Variants in VWA3B observed in about 807,000 individuals in gnomAD.
VWA3B encodes von Willebrand factor A domain-containing protein 3B.
A neutral mutation model predicts 158.3 loss-of-function variants in VWA3B; 138 were observed. The ratio of observed to expected loss-of-function variants is 0.87; its 90% confidence interval spans 0.76 to 1.00. The LOEUF is 1.00. VWA3B is among the 50% of genes least tolerant of loss of function. VWA3B has a pLI of 0.00. For synonymous variants in VWA3B, 596 were observed against 587.3 expected (o/e 1.01, Z -0.21); for missense variants, 1,555 against 1,565.1 (o/e 0.99, Z 0.11).
At chr2:98,159,970 A>G (rs1191729467) in intron 7 of VWA3B, among the ~76,000 whole-genome samples, 1 of 151,444 alleles carries the variant, frequency 6.6e-6, no homozygotes, top group African/African-American at 2.4e-5. Context: ...AGATCGTGCT[A>G]CTGCACTCCA....
At chr2:98,279,601 G>A (rs142279936) in intron 22 of VWA3B, among the ~76,000 whole-genome samples, 50 of 152,340 alleles carry the variant, frequency 3.3e-4, no homozygotes, top group African/African-American at 1.1e-3. Context: ...AGAAGTGAAG[G>A]TCAGTCTAAG....
intron 25 of VWA3B, 100 bp from the exon 26 acceptor site, chr2:98,303,602 G>A: frequency 1.9e-6 from 2 of 1,066,342 alleles, no homozygotes. Context: ...ATAGGATAAT[G>A]ACTAGAAGCT....
intron 8 of VWA3B, among the ~76,000 whole-genome samples, chr2:98,165,748 G>A (rs1679013945): frequency 6.6e-6 from 1 of 152,054 alleles, no homozygotes; most frequent in South Asian, 2.1e-4. Context: ...GCATTGCCAG[G>A]GTTGGCTCCC....
At chr2:98,290,425 C>A in intron 22 of VWA3B, 86 bp from the exon 23 acceptor site, 1 of 1,026,040 alleles carries the variant, frequency 9.7e-7, no homozygotes, top group Non-Finnish European at 1.4e-6. Flanking sequence ...AGAGCCAAAC[C>A]ATATCACTAG....
chr2:98,271,432 A>T (rs769380364), intron 22 of VWA3B, among the ~76,000 whole-genome samples: 27 of 152,208 alleles, frequency 1.8e-4, no homozygotes, highest in Admixed American at 3.9e-4. Context: ...TATTGCTACC[A>T]CTTGGGAGCC....
At position 98,288,826 on chromosome 2, in the gene VWA3B, A is replaced by G. The variant is rs923001110; in HGVS notation, c.3046-1685A>G. Among the ~76,000 whole-genome samples, 8 of 152,280 alleles carry G rather than the reference A, an allele frequency of 5.3e-5. No homozygotes were observed. The South Asian group carries it at 1.0e-3, about 20-fold the overall frequency. Reference sequence around the variant, plus strand: ...TCTACTTCTTGATCTATCAAGTTGCATAACTTCTTCAATTCCTGAGTTCAC... The same window carrying G: ...TCTACTTCTTGATCTATCAAGTTGCGTAACTTCTTCAATTCCTGAGTTCAC... On this transcript the variant is annotated intron_variant, in intron 22 of 27. Coordinates refer to ENST00000477737, the MANE Select transcript of VWA3B (RefSeq NM_144992.5).
intron 20 of VWA3B, among the ~76,000 whole-genome samples, chr2:98,252,121 G>A (rs1222745747): frequency 1.3e-5 from 2 of 151,936 alleles, no homozygotes; most frequent in Admixed American, 6.5e-5. Flanking sequence ...GAGACCTCTC[G>A]GGAGCTCCTC....
At chr2:98,263,552 A>G (rs1329280921) in intron 21 of VWA3B, among the ~76,000 whole-genome samples, 2 of 151,850 alleles carry the variant, frequency 1.3e-5, no homozygotes, top group Non-Finnish European at 2.9e-5. Context: ...ATTAATTTTC[A>G]TATGTTGAAC....
chr2:98,158,681 G>A (rs1678307242), intron 7 of VWA3B, among the ~76,000 whole-genome samples: 2 of 138,764 alleles, frequency 1.4e-5, no homozygotes, highest in Admixed American at 7.4e-5. Context: ...GGACTGAGAA[G>A]GGGGAGTAGG....
chr2:98,247,033 T>A (rs567194266), intron 19 of VWA3B, among the ~76,000 whole-genome samples: 1 of 152,044 alleles, frequency 6.6e-6, no homozygotes, highest in Non-Finnish European at 1.5e-5. Context: ...AGCCTCGCAC[T>A]GTCGCCCAGG....
chr2:98,128,806 C>T (rs1248243730), intron 6 of VWA3B, among the ~76,000 whole-genome samples: 6 of 152,236 alleles, frequency 3.9e-5, no homozygotes, highest in East Asian at 1.9e-4. Context: ...CCAGAAAACT[C>T]GGGACAGCCC....
intron 2 of VWA3B, 26 bp from the exon 3 acceptor site, chr2:98,115,626 G>C: frequency 6.3e-7 from 1 of 1,589,898 alleles, no homozygotes; most frequent in Non-Finnish European, 8.6e-7. Flanking sequence ...CTACTGTTTT[G>C]ATTGTTTTTC....
At chr2:98,253,827 A>C (rs1199618834) in intron 20 of VWA3B, among the ~76,000 whole-genome samples, 1 of 152,106 alleles carries the variant, frequency 6.6e-6, no homozygotes, top group African/African-American at 2.4e-5. Flanking sequence ...TTGTTAGAAA[A>C]ATCCCTGAAT....
intron 24 of VWA3B, among the ~76,000 whole-genome samples, chr2:98,298,598 G>T (rs1260746875): frequency 6.6e-6 from 1 of 152,160 alleles, no homozygotes; most frequent in African/African-American, 2.4e-5. Flanking sequence ...TAGCCCAAAT[G>T]TGCATTCCAT....
intron 7 of VWA3B, among the ~76,000 whole-genome samples, chr2:98,136,204 A>C (rs1028688336): frequency 6.6e-6 from 1 of 152,348 alleles, no homozygotes; most frequent in African/African-American, 2.4e-5. Flanking sequence ...GTTAAGATAA[A>C]AAATGTTTTT....
intron 3 of VWA3B, among the ~76,000 whole-genome samples, chr2:98,116,041 G>T (rs1269051641): frequency 6.6e-6 from 1 of 152,196 alleles, no homozygotes; most frequent in Non-Finnish European, 1.5e-5. Context: ...TGACAGAGAT[G>T]ATCTGAAAGC....
intron 8 of VWA3B, among the ~76,000 whole-genome samples, chr2:98,174,495 T>C (rs1441486997): frequency 6.6e-6 from 1 of 152,232 alleles, no homozygotes; most frequent in Admixed American, 6.5e-5. Context: ...GGAAAAGCCT[T>C]TTCCCTGGGA....
In VWA3B at chr2:98,300,062, T is replaced by C; in HGVS notation, c.3283-17T>C. The C allele has an allele frequency of 6.2e-7, 1 of 1,614,126 alleles. No individual in the cohort carries two copies. The highest frequency in any genetic ancestry group is 1.1e-5 in the South Asian group (1 of 91,012). On this transcript the variant is annotated splice_polypyrimidine_tract_variant and intron_variant, in intron 24 of 27. Transcript: ENST00000477737. ...CAATCCATAAGCAAAATATTTGCTC[T>C]ATGTTCTCCTCTGCAGGTTGGAGAT...
At chr2:98,196,205 A>G (rs1024935565) in intron 12 of VWA3B, among the ~76,000 whole-genome samples, 1 of 152,178 alleles carries the variant, frequency 6.6e-6, no homozygotes. Context: ...CTATTGTACA[A>G]CATGGTAACT....
Sources: allele counts gnomAD v4.1 joint callset (sites outside exome capture counted in the v4.1 genomes callset), GRCh38; gene constraint gnomAD v4.1.1; transcripts MANE v1.5; gene names NCBI Gene and HGNC (gene_info 2026-07-23, HGNC 2026-07-21).